CYP27C1: variants seen among roughly 807,000 people sequenced by gnomAD.
CYP27C1 encodes the protein cytochrome P450 27C1.
A neutral mutation model predicts 40.6 loss-of-function variants in CYP27C1; 29 were observed. The ratio of observed to expected loss-of-function variants is 0.71; its 90% CI spans 0.53 to 0.97. The LOEUF is 0.97. CYP27C1 is among the 50% of genes least tolerant of loss of function. CYP27C1 has a pLI of 0.00. For missense variants in CYP27C1, 390 were observed against 485.8 expected, an observed-to-expected ratio of 0.80 and a Z score of 1.85; for synonymous variants, 198 against 186.8, an observed-to-expected ratio of 1.06 and a Z score of -0.49.
rs767900020 is a variant in CYP27C1, at chr2:127,195,553, T to C, written c.1048-52A>G. 11 of 1,591,886 alleles carry C rather than the reference T, an allele frequency of 6.9e-6. No individual in the cohort carries two copies. In the African/African-American group the frequency reaches 1.3e-4, roughly 19 times the overall value. ...GCAGGCAGTGAGTAACACCAGGGACTGAAACAGAGGCGGTGGCAGGTAGGA... is the reference window on the plus strand; with the variant it reads ...GCAGGCAGTGAGTAACACCAGGGACCGAAACAGAGGCGGTGGCAGGTAGGA... On this transcript the variant is annotated intron_variant, in intron 5 of 8. Coordinates refer to ENST00000664447, the MANE Select transcript of CYP27C1 (RefSeq NM_001367502.1). This position sits in a 1 kb window ranked among gnomAD's most constrained non-coding sequence, Gnocchi z 6.2.
chr2:127,194,590 G>A (rs1369690894), intron 6 of CYP27C1, among the ~76,000 whole-genome samples: 1 of 152,190 alleles, frequency 6.6e-6, no homozygotes, highest in Non-Finnish European at 1.5e-5. Flanking sequence ...CTGTCTGGGA[G>A]TAATTGAGCC....
At chr2:127,205,708 G>A (rs1407151734) in intron 2 of CYP27C1, 192 bp downstream of exon 2, 4 of 985,426 alleles carry the variant, frequency 4.1e-6, no homozygotes, top group Non-Finnish European at 3.6e-6. Flanking sequence ...AACTCTGCAC[G>A]GAGGAGGAGC....
chr2:127,212,189 CA>C (rs1055601270), intron 1 of CYP27C1, among the ~76,000 whole-genome samples: 1 of 151,900 alleles, frequency 6.6e-6, no homozygotes, highest in Non-Finnish European at 1.5e-5. Context: ...GTCTACCAAC[CA>C]AAAAAAGCCC....
intron 3 of CYP27C1, among the ~76,000 whole-genome samples, chr2:127,202,390 T>G (rs1683055699): frequency 6.6e-6 from 1 of 152,232 alleles, no homozygotes; most frequent in Non-Finnish European, 1.5e-5. Flanking sequence ...CCTCCCAAAG[T>G]GCTGGGATTA....
intron 1 of CYP27C1, among the ~76,000 whole-genome samples, chr2:127,212,232 CAGAAAT>C (rs1299069859): frequency 1.3e-5 from 2 of 152,152 alleles, no homozygotes; most frequent in Non-Finnish European, 2.9e-5. Context: ...TGAATTCTAC[CAGAAAT>C]ACAAAGAGGA....
chr2:127,213,965 GA>G (rs972442601), intron 1 of CYP27C1, among the ~76,000 whole-genome samples: 78 of 151,924 alleles, frequency 5.1e-4, no homozygotes, highest in African/African-American at 1.6e-3. Context: ...AAATTTACAA[GA>G]AAAAAACAAA....
At chr2:127,211,475 C>A (rs931316523) in intron 1 of CYP27C1, among the ~76,000 whole-genome samples, 1 of 149,044 alleles carries the variant, frequency 6.7e-6, no homozygotes, top group Non-Finnish European at 1.5e-5. Context: ...CTCCGCCTCC[C>A]GGGTTCATGC....
chr2:127,212,373 A>G (rs886287912), intron 1 of CYP27C1, among the ~76,000 whole-genome samples: 11 of 152,216 alleles, frequency 7.2e-5, no homozygotes, highest in Non-Finnish European at 1.3e-4. Flanking sequence ...AAAAAAGAAA[A>G]CTTCAGGCCA....
Position 127,196,123 on chromosome 2 carries a change from C to T in CYP27C1, c.1048-622G>A, listed in dbSNP as rs961631862. Reference sequence around the variant, plus strand: ...TGTCGCCCAGGCTGGAATGCAGTGACGCGATCTCGGCTCACTGCAAGCTCT... The same window carrying T: ...TGTCGCCCAGGCTGGAATGCAGTGATGCGATCTCGGCTCACTGCAAGCTCT... On this transcript the variant is annotated intron_variant, in intron 5 of 8. Transcript: ENST00000664447. The surrounding 1 kb of genome is among the most constrained non-coding windows in gnomAD (Gnocchi z 4.5). Among the ~76,000 whole-genome samples the T allele has an allele frequency of 9.2e-5, 14 of 151,962 alleles. No individual in the cohort carries two copies. The highest frequency in any genetic ancestry group is 7.8e-4 in the East Asian group (4 of 5,158).
rs866022084 is a variant in CYP27C1, at chr2:127,204,469, A to G, written c.474-898T>C. On this transcript the variant is annotated intron_variant, in intron 2 of 8. Coordinates refer to ENST00000664447, the MANE Select transcript of CYP27C1 (RefSeq NM_001367502.1). Reference sequence around the variant, plus strand: ...GAAAGAAAGAAAGAAAGAAAGAAAGAAAGAAAGAAAGAAAGAAAGGAAGGA... The same window carrying G: ...GAAAGAAAGAAAGAAAGAAAGAAAGGAAGAAAGAAAGAAAGAAAGGAAGGA... 4.2e-4 allele frequency among the ~76,000 whole-genome samples: 22 copies of G among 52,564 alleles called. 1 individual carries two copies. In the East Asian group the frequency reaches 4.5e-3, roughly 11 times the overall value. The allele number at this position is 52,564 out of a possible 152,430, so 34.5% of individuals were successfully genotyped here.
intron 1 of CYP27C1, among the ~76,000 whole-genome samples, chr2:127,206,873 T>G (rs1558932465): frequency 6.6e-6 from 1 of 152,100 alleles, no homozygotes; most frequent in South Asian, 2.1e-4. Context: ...AGTCAGGCTA[T>G]CTCTATTGGC....
chr2:127,214,723 C>A (rs2104701539), intron 1 of CYP27C1, among the ~76,000 whole-genome samples: 1 of 150,012 alleles, frequency 6.7e-6, no homozygotes, highest in East Asian at 1.9e-4. Context: ...AGCAAACCAC[C>A]ATGGTGCACG....
chr2:127,213,317 A>AC (rs1215667432), intron 1 of CYP27C1, among the ~76,000 whole-genome samples: 7 of 146,172 alleles, frequency 4.8e-5, no homozygotes, highest in South Asian at 4.6e-4. Context: ...GAAAAAAAAA[A>AC]ACTTAAATTT....
In CYP27C1 at chr2:127,195,200, C is replaced by A; in HGVS notation, c.1214+135G>T. On this transcript the variant is annotated intron_variant, in intron 6 of 8. Transcript: ENST00000664447. This position sits in a 1 kb window ranked among gnomAD's most constrained non-coding sequence, Gnocchi z 6.2. ...GGTCTTTCTGCTATTCTGACAAGAGCAGAGAAAAAATAACAGTCACGAACA... is the reference window on the plus strand; with the variant it reads ...GGTCTTTCTGCTATTCTGACAAGAGAAGAGAAAAAATAACAGTCACGAACA... The A allele has an allele frequency of 9.5e-7, 1 of 1,053,058 alleles. No homozygotes were observed. Among genetic ancestry groups the A allele is most frequent in the Non-Finnish European group, 1.4e-6 (1 of 719,444 alleles). 65.2% of individuals were successfully genotyped at this position (1,053,058 alleles called of 1,614,324 possible).
intron 2 of CYP27C1, among the ~76,000 whole-genome samples, chr2:127,204,597 GAAAGA>G (rs1683177570): frequency 1.0e-5 from 1 of 99,158 alleles, no homozygotes; most frequent in African/African-American, 4.2e-5. Context: ...AAGAAAGAAA[GAAAGA>G]AAGAAAGAAA....
chr2:127,205,791 G>A (rs980623795), intron 2 of CYP27C1, 109 bp downstream of exon 2: 4 of 981,424 alleles, frequency 4.1e-6, no homozygotes, highest in Admixed American at 6.1e-5. Context: ...CCATGGGGGG[G>A]TTCTGTGCTT....
In CYP27C1 at chr2:127,218,194, A is replaced by G. The variant is rs1017402739; in HGVS notation, c.282+1795T>C. Among the ~76,000 whole-genome samples, 2 of 152,134 alleles carry G rather than the reference A, an allele frequency of 1.3e-5. No individual in the cohort carries two copies. The highest frequency in any genetic ancestry group is 4.8e-5 in the African/African-American group (2 of 41,424). On this transcript the variant is annotated intron_variant, in intron 1 of 8. Coordinates refer to ENST00000664447, the MANE Select transcript of CYP27C1 (RefSeq NM_001367502.1). The surrounding 1 kb of genome is among the most constrained non-coding windows in gnomAD (Gnocchi z 6.0). Reference sequence around the variant, plus strand: ...ATGGAAAATACCCATCTGAACTGCCACACATCCTGACTGGATACAGGCTTT... The same window carrying G: ...ATGGAAAATACCCATCTGAACTGCCGCACATCCTGACTGGATACAGGCTTT...
rs1336827282 is a variant in CYP27C1, at chr2:127,204,485, A to AAAGAAAGG, written c.474-915_474-914insCCTTTCTT. On this transcript the variant is annotated intron_variant, in intron 2 of 8. Coordinates refer to ENST00000664447, the MANE Select transcript of CYP27C1 (RefSeq NM_001367502.1). ...GAAAGAAAGAAAGAAAGAAAGAAAGAAAGGAAGGAAGGAAGGAAGGAAAGA... is the reference window on the plus strand; with the variant it reads ...GAAAGAAAGAAAGAAAGAAAGAAAGAAAGAAAGGAAGGAAGGAAGGAAGGAAGGAAAGA... 1.7e-3 allele frequency among the ~76,000 whole-genome samples: 104 copies of AAAGAAAGG among 60,208 alleles called. 6 individuals carry two copies. Among genetic ancestry groups the AAAGAAAGG allele is most frequent in the African/African-American group, 4.0e-3 (59 of 14,754 alleles). 39.5% of individuals were successfully genotyped at this position (60,208 alleles called of 152,430 possible).
chr2:127,211,544 A>G (rs1202243476), intron 1 of CYP27C1, among the ~76,000 whole-genome samples: 2 of 151,018 alleles, frequency 1.3e-5, no homozygotes, highest in South Asian at 2.1e-4. Flanking sequence ...TACCACGCCC[A>G]GCTAATTTTT....
Sources: allele counts gnomAD v4.1 joint callset (sites outside exome capture counted in the v4.1 genomes callset), GRCh38; gene constraint gnomAD v4.1.1; non-coding constraint Gnocchi (gnomAD v3.1); transcripts MANE v1.5; gene names NCBI Gene and HGNC (gene_info 2026-07-23, HGNC 2026-07-21).